Variants in LAMA4 observed in about 807,000 individuals in gnomAD.
LAMA4 encodes the protein laminin subunit alpha-4.
LAMA4 carries 127 observed loss-of-function variants against 207.1 expected under a neutral mutation model. The observed-to-expected ratio is 0.61, with a 90% CI of 0.53 to 0.71. LAMA4 has a LOEUF of 0.71. LAMA4 is among the 30% of genes least tolerant of loss of function. LAMA4 has a pLI of 0.00. For synonymous variants in LAMA4, 761 were observed against 816.0 expected (o/e 0.93, Z 1.15); for missense variants, 2,093 against 2,246.5 (o/e 0.93, Z 1.38).
intron 7 of LAMA4, 42 bp from the exon 8 acceptor site, chr6:112,187,643 T>A: frequency 1.9e-6 from 3 of 1,604,794 alleles, no homozygotes; most frequent in Non-Finnish European, 1.7e-6. Context: ...GTCAAAAGCA[T>A]GCTAAAGGCA....
At chr6:112,155,859 A>G in intron 14 of LAMA4, 153 bp from the exon 15 acceptor site, 1 of 810,342 alleles carries the variant, frequency 1.2e-6, no homozygotes, top group South Asian at 1.5e-5. Context: ...CTTGAGGGTC[A>G]CACCTCCTCT....
chr6:112,188,356 A>G (rs1356306310), intron 7 of LAMA4, among the ~76,000 whole-genome samples: 1 of 152,200 alleles, frequency 6.6e-6, no homozygotes, highest in Non-Finnish European at 1.5e-5. Context: ...CCAGGCAGGC[A>G]TCTTGATGTT....
intron 4 of LAMA4, among the ~76,000 whole-genome samples, chr6:112,205,848 T>G (rs1784027979): frequency 6.6e-6 from 1 of 152,054 alleles, no homozygotes; most frequent in Non-Finnish European, 1.5e-5. Flanking sequence ...TGAGTTCAGT[T>G]ACCAATGGCC....
At chr6:112,187,318 T>C (rs782466160) in intron 8 of LAMA4, 132 bp downstream of exon 8, 3 of 1,021,910 alleles carry the variant, frequency 2.9e-6, no homozygotes, top group Non-Finnish European at 4.6e-6. Context: ...TTTTCTATGT[T>C]AGACCTACAG....
rs896391423 is a variant in LAMA4, at chr6:112,108,030, T to G, written c.*1407A>C. Among the ~76,000 whole-genome samples, 28 of 152,076 alleles carry G rather than the reference T, an allele frequency of 1.8e-4. No homozygotes were observed. The highest frequency in any genetic ancestry group is 6.8e-4 in the African/African-American group (28 of 41,416). On this transcript the variant is annotated 3_prime_UTR_variant, in exon 39 of 39. Coordinates refer to ENST00000230538, the MANE Select transcript of LAMA4 (RefSeq NM_001105206.3). Reference sequence around the variant, plus strand: ...CTATGTTTATCGATATCTTCAACATTATCATTATTTGTATATTTCAGACAG... The same window carrying G: ...CTATGTTTATCGATATCTTCAACATGATCATTATTTGTATATTTCAGACAG...
At chr6:112,112,842 A>G (rs1777782092) in intron 38 of LAMA4, among the ~76,000 whole-genome samples, 2 of 152,194 alleles carry the variant, frequency 1.3e-5, no homozygotes, top group Non-Finnish European at 2.9e-5. Context: ...TCTTTAAAGC[A>G]TTGTCTGTCT....
chr6:112,214,386 T>G (rs1411461913), intron 3 of LAMA4, among the ~76,000 whole-genome samples: 1 of 152,140 alleles, frequency 6.6e-6, no homozygotes, highest in Non-Finnish European at 1.5e-5. Context: ...CCCTAGCCAC[T>G]ATATCTTCTT....
At chr6:112,253,632 C>T in intron 2 of LAMA4, 2 of 1,032,268 alleles carry the variant, frequency 1.9e-6, no homozygotes, top group Non-Finnish European at 3.0e-6. Flanking sequence ...AAAATGACTA[C>T]TGGGACACGC....
intron 38 of LAMA4, among the ~76,000 whole-genome samples, chr6:112,113,800 T>A (rs879956717): frequency 6.6e-6 from 1 of 152,182 alleles, no homozygotes; most frequent in Non-Finnish European, 1.5e-5. Flanking sequence ...AGAGTATGTG[T>A]GTCACTGTGT....
At chr6:112,209,607 AC>A (rs1167008536) in intron 3 of LAMA4, among the ~76,000 whole-genome samples, 3 of 152,228 alleles carry the variant, frequency 2.0e-5, no homozygotes, top group African/African-American at 7.2e-5. Context: ...TAGCTGGTCA[AC>A]TTTGAACAAG....
At chr6:112,197,357 GT>G (rs1335972391) in intron 5 of LAMA4, among the ~76,000 whole-genome samples, 2 of 152,082 alleles carry the variant, frequency 1.3e-5, no homozygotes, top group East Asian at 3.9e-4. Context: ...TGTTTGAGCT[GT>G]TTTTTTACAC....
intron 2 of LAMA4, among the ~76,000 whole-genome samples, chr6:112,247,379 T>C (rs1787032066): frequency 6.6e-6 from 1 of 152,150 alleles, no homozygotes; most frequent in Non-Finnish European, 1.5e-5. Flanking sequence ...TTCAAAATAT[T>C]GTAAAGCAGA....
intron 2 of LAMA4, among the ~76,000 whole-genome samples, chr6:112,239,435 T>TA (rs1786213230): frequency 6.6e-6 from 1 of 151,476 alleles, no homozygotes; most frequent in Admixed American, 6.6e-5. Flanking sequence ...AGCAGACTAA[T>TA]AAAGAAGGAA....
chr6:112,187,468 G>A lies in LAMA4; in HGVS notation c.948C>T (p.Ala316=). The part of the protein sequence containing the change: ...AAHRHVNEIN[A]TIYLLKTKLS... ...TGCGTACTTTGAGGAGGTAGATGGT[G>A]GCGTTGATTTCATTCACGTGCCTAT... is the stretch of plus-strand genomic sequence containing the variant. Residue 316 remains alanine, a synonymous_variant, in exon 8 of 39, where the codon GCC becomes GCT. Transcript: ENST00000230538. 1.2e-6 allele frequency: 2 copies of A among 1,614,120 alleles called. No homozygotes were observed. Among genetic ancestry groups the A allele is most frequent in the Non-Finnish European group, 1.7e-6 (2 of 1,180,016 alleles).
intron 22 of LAMA4, 42 bp downstream of exon 22, chr6:112,140,718 C>T (rs143234868): frequency 3.2e-6 from 5 of 1,586,800 alleles, no homozygotes; most frequent in African/African-American, 2.7e-5. Flanking sequence ...AAAACAATTA[C>T]TGTAGATTTG....
intron 2 of LAMA4, among the ~76,000 whole-genome samples, chr6:112,242,704 T>C (rs1461059971): frequency 6.6e-6 from 1 of 152,212 alleles, no homozygotes; most frequent in Non-Finnish European, 1.5e-5. Flanking sequence ...TAGACACTAG[T>C]GCACACCCCT....
chr6:112,137,337 T>G (rs1164437813), intron 24 of LAMA4, among the ~76,000 whole-genome samples: 1 of 152,132 alleles, frequency 6.6e-6, no homozygotes, highest in Non-Finnish European at 1.5e-5. Context: ...AGGAAGAAAA[T>G]ATTTCAACTT....
chr6:112,153,172 G>A (rs1240039069), intron 16 of LAMA4, among the ~76,000 whole-genome samples: 2 of 151,974 alleles, frequency 1.3e-5, no homozygotes, highest in African/African-American at 4.8e-5. Flanking sequence ...ATAATGAAAA[G>A]GAAATTTGGG....
At chr6:112,228,955 G>GGACT (rs1554363586) in intron 2 of LAMA4, among the ~76,000 whole-genome samples, 1 of 151,990 alleles carries the variant, frequency 6.6e-6, no homozygotes, top group East Asian at 1.9e-4. Context: ...CTTGATCTGG[G>GGACT]GACTATTCAG....
Sources: gnomAD v4.1 joint callset for allele counts (sites outside exome capture counted in the v4.1 genomes callset) on GRCh38, gnomAD v4.1.1 for gene constraint, MANE v1.5 for transcripts, NCBI Gene and HGNC (gene_info 2026-07-23, HGNC 2026-07-21) for gene names.